Variants in ZFYVE1 observed in about 807,000 individuals in gnomAD.
The protein encoded by ZFYVE1 is zinc finger FYVE-type containing 1.
In ZFYVE1, 30 loss-of-function variants were observed where a neutral mutation model predicts 74.4. The observed-to-expected ratio is 0.40, with a 90% confidence interval of 0.30 to 0.55. The LOEUF is 0.55. ZFYVE1 is among the 20% of genes least tolerant of loss of function. ZFYVE1 has a pLI of 0.42. For missense variants in ZFYVE1, 703 were observed against 1,011.6 expected (o/e 0.69, Z 4.14); for synonymous variants, 335 against 385.1 (o/e 0.87, Z 1.52).
intron 2 of ZFYVE1, among the ~76,000 whole-genome samples, chr14:73,000,709 A>G (rs1893851127): frequency 6.6e-6 from 1 of 152,190 alleles, no homozygotes; most frequent in African/African-American, 2.4e-5. Flanking sequence ...AGTCCGGAAA[A>G]CAGCTTGTCC....
chr14:73,019,592 G>A (rs921252547), intron 2 of ZFYVE1, among the ~76,000 whole-genome samples: 6 of 152,238 alleles, frequency 3.9e-5, no homozygotes, highest in Non-Finnish European at 4.4e-5. Flanking sequence ...ATGGTTCATC[G>A]GATTCTCACA....
At chr14:73,009,321 T>C (rs562760440) in intron 2 of ZFYVE1, among the ~76,000 whole-genome samples, 2 of 152,332 alleles carry the variant, frequency 1.3e-5, no homozygotes, top group African/African-American at 2.4e-5. Flanking sequence ...AATAAGATGA[T>C]GTACATCAGG....
chr14:72,982,331 G>A (rs1893355686), intron 4 of ZFYVE1, among the ~76,000 whole-genome samples: 1 of 151,706 alleles, frequency 6.6e-6, no homozygotes, highest in Non-Finnish European at 1.5e-5. Context: ...ATAACCACAG[G>A]CACTTACTTG....
chr14:72,991,347 A>G (rs1276663476), intron 4 of ZFYVE1, among the ~76,000 whole-genome samples: 8 of 151,018 alleles, frequency 5.3e-5, no homozygotes, highest in Non-Finnish European at 1.0e-4. Flanking sequence ...CCGCTACCAC[A>G]CCCGGCTAAT....
intron 5 of ZFYVE1, among the ~76,000 whole-genome samples, chr14:72,980,185 T>A (rs1893284085): frequency 6.6e-6 from 1 of 152,208 alleles, no homozygotes; most frequent in Non-Finnish European, 1.5e-5. Context: ...AAGAAGCAGG[T>A]CTTTTTCTCG....
intron 5 of ZFYVE1, among the ~76,000 whole-genome samples, chr14:72,981,548 T>C (rs1464257545): frequency 6.6e-6 from 1 of 152,210 alleles, no homozygotes; most frequent in Non-Finnish European, 1.5e-5. Flanking sequence ...CCAGCTGGAA[T>C]TTCCAGGAGA....
At chr14:73,014,579 T>C (rs1894152557) in intron 2 of ZFYVE1, among the ~76,000 whole-genome samples, 1 of 152,212 alleles carries the variant, frequency 6.6e-6, no homozygotes, top group South Asian at 2.1e-4. Context: ...AAACCAATAA[T>C]AGATATATTC....
intron 2 of ZFYVE1, among the ~76,000 whole-genome samples, chr14:72,999,735 C>T (rs1594851496): frequency 6.6e-6 from 1 of 152,274 alleles, no homozygotes; most frequent in African/African-American, 2.4e-5. Flanking sequence ...TTTACAGCCA[C>T]CCTGGGAAAC....
At chr14:72,999,673 A>C (rs570122822) in intron 2 of ZFYVE1, among the ~76,000 whole-genome samples, 23 of 152,340 alleles carry the variant, frequency 1.5e-4, no homozygotes, top group African/African-American at 2.9e-4. Flanking sequence ...ATCCATTTGT[A>C]ATCTCAGACA....
intron 2 of ZFYVE1, among the ~76,000 whole-genome samples, chr14:73,003,140 C>T (rs1184364866): frequency 6.7e-6 from 1 of 149,926 alleles, no homozygotes; most frequent in East Asian, 2.0e-4. Flanking sequence ...CTGCAACCTC[C>T]GCCTTCTGGA....
chr14:73,019,474 C>A (rs2140389162), intron 2 of ZFYVE1, among the ~76,000 whole-genome samples: 1 of 152,016 alleles, frequency 6.6e-6, no homozygotes, highest in Middle Eastern at 3.4e-3. Flanking sequence ...TGCCTAGAAA[C>A]ATGAAAAGAA....
rs1488655808 is a variant in ZFYVE1 at position 73,006,121 on chromosome 14, G to A, written c.484-7806C>T. Among the ~76,000 whole-genome samples, 4 of 151,746 alleles carry A rather than the reference G, an allele frequency of 2.6e-5. No individual in the cohort carries two copies. In the East Asian group the frequency reaches 5.9e-4, roughly 22 times the overall value. ...TTTTTAGTGGAGACGGGGTTTCACC[G>A]TGTTAGCCAGGATGGTCTCAATCTC... On this transcript the variant is annotated intron_variant, in intron 2 of 11. Coordinates refer to ENST00000556143, the MANE Select transcript of ZFYVE1 (RefSeq NM_021260.4).
At chr14:73,010,643 G>T (rs1003509533) in intron 2 of ZFYVE1, among the ~76,000 whole-genome samples, 1 of 150,986 alleles carries the variant, frequency 6.6e-6, no homozygotes, top group African/African-American at 2.4e-5. Flanking sequence ...GGTGGCACGC[G>T]CTTGTGATCC....
At position 72,975,773 on chromosome 14, in the gene ZFYVE1, AGGAG is replaced by A; in HGVS notation, c.1636-56_1636-53del. ...ATGCTCTGAGAAGGGAGTGAAAGGA[AGGAG>A]GAAGAGGGATGTTTGGTGAGTTGCA... On this transcript the variant is annotated intron_variant, in intron 8 of 11. Transcript: ENST00000556143. This position sits in a 1 kb window ranked among gnomAD's most constrained non-coding sequence, Gnocchi z 4.1. 3 of 1,590,188 alleles carry A rather than the reference AGGAG, an allele frequency of 1.9e-6. No homozygotes were observed. Among genetic ancestry groups the A allele is most frequent in the Non-Finnish European group, 2.6e-6 (3 of 1,167,252 alleles).
chr14:72,977,831 G>T, intron 8 of ZFYVE1, 96 bp downstream of exon 8: 1 of 1,315,556 alleles, frequency 7.6e-7, no homozygotes, highest in Non-Finnish European at 1.1e-6. Flanking sequence ...GAAATTCATG[G>T]TTAACCTTAA....
Position 72,997,716 on chromosome 14 carries a change from G to A in ZFYVE1, c.988+95C>T, listed in dbSNP as rs1018748695. The A allele has an allele frequency of 3.4e-6, 5 of 1,454,174 alleles. No homozygotes were observed. In the African/African-American group the frequency reaches 7.1e-5, roughly 21 times the overall value. 90.1% of individuals were successfully genotyped at this position (1,454,174 alleles called of 1,614,324 possible). ...TCTTCTTTGGACAGAAATCTTTCTG[G>A]GCAATCCACTACCAACAAGTTGCTA... On this transcript the variant is annotated intron_variant, in intron 3 of 11. Coordinates refer to ENST00000556143, the MANE Select transcript of ZFYVE1 (RefSeq NM_021260.4).
intron 2 of ZFYVE1, among the ~76,000 whole-genome samples, chr14:73,018,859 G>A (rs968526544): frequency 6.6e-6 from 1 of 151,506 alleles, no homozygotes. Flanking sequence ...CAGAACAATT[G>A]CTTGAACCCA....
chr14:72,988,806 CAAA>C (rs1425078012), intron 4 of ZFYVE1, among the ~76,000 whole-genome samples: 3 of 80,008 alleles, frequency 3.7e-5, no homozygotes, highest in Non-Finnish European at 7.4e-5. Context: ...GACTCTGTCT[CAAA>C]AAAAAAAAAA....
chr14:72,979,765 C>T (rs995478778), intron 5 of ZFYVE1, among the ~76,000 whole-genome samples: 2 of 151,726 alleles, frequency 1.3e-5, no homozygotes, highest in African/African-American at 2.4e-5. Context: ...GAAACCTGAA[C>T]GTCTCTCAGA....
Sources: gnomAD v4.1 joint callset for allele counts (sites outside exome capture counted in the v4.1 genomes callset) on GRCh38, gnomAD v4.1.1 for gene constraint, Gnocchi (gnomAD v3.1) non-coding constraint, MANE v1.5 for transcripts, NCBI Gene and HGNC (gene_info 2026-07-23, HGNC 2026-07-21) for gene names.